The following TMEM74 variants were observed in gnomAD, a reference collection of about 807,000 sequenced individuals.
TMEM74 encodes the protein transmembrane protein 74.
Under a neutral mutation model 18.1 loss-of-function variants are expected in TMEM74, and 13 were observed. The observed-to-expected ratio is 0.72, with a 90% CI of 0.47 to 1.14. The LOEUF (loss-of-function observed/expected upper bound fraction) is 1.14. Ranked by LOEUF, TMEM74 falls within the 50% of genes most tolerant of loss-of-function variation. The probability of loss-of-function intolerance (pLI) is 0.00; values close to 1 mark genes in which losing one functional copy is unlikely to be tolerated. For synonymous variants in TMEM74, 159 were observed against 146.6 expected (o/e 1.08, Z -0.61); for missense variants, 372 against 375.9 (o/e 0.99, Z 0.09).
intron 2 of TMEM74, among the ~76,000 whole-genome samples, chr8:108,616,268 G>A (rs1586234712): frequency 6.6e-6 from 1 of 152,148 alleles, no homozygotes; most frequent in South Asian, 2.1e-4. Context: ...ATTCCACACA[G>A]GTACTTCCTA....
At chr8:108,722,906 T>C (rs1813599596) in intron 1 of TMEM74, among the ~76,000 whole-genome samples, 3 of 152,234 alleles carry the variant, frequency 2.0e-5, no homozygotes, top group Admixed American at 2.0e-4. Context: ...TGGCTGCATA[T>C]GCTAGCTGTG....
intron 2 of TMEM74, chr8:108,653,045 C>T (rs570920096): frequency 4.0e-5 from 7 of 175,394 alleles, no homozygotes; most frequent in East Asian, 3.5e-4. Context: ...TTGATGTAAA[C>T]GAAGTTTGTA....
At chr8:108,608,237 G>A (rs1456476106) in intron 3 of TMEM74, among the ~76,000 whole-genome samples, 1 of 150,346 alleles carries the variant, frequency 6.7e-6, no homozygotes, top group Non-Finnish European at 1.5e-5. Context: ...GGGAGACGGA[G>A]GCAGCAGTGA....
At chr8:108,690,564 C>T (rs1005246311) in intron 1 of TMEM74, among the ~76,000 whole-genome samples, 15 of 151,810 alleles carry the variant, frequency 9.9e-5, no homozygotes, top group African/African-American at 3.4e-4. Context: ...GCCTGTAATC[C>T]CAGCACTTTG....
chr8:108,689,693 C>T (rs1359074177), intron 1 of TMEM74, among the ~76,000 whole-genome samples: 3 of 152,120 alleles, frequency 2.0e-5, no homozygotes, highest in Non-Finnish European at 2.9e-5. Context: ...AATCAATGTC[C>T]ATTTGTGCGA....
chr8:108,675,724 G>A (rs922272461), intron 1 of TMEM74, among the ~76,000 whole-genome samples: 1 of 152,188 alleles, frequency 6.6e-6, no homozygotes, highest in African/African-American at 2.4e-5. Context: ...GAAACTCAGA[G>A]GATGTGACAC....
At chr8:108,681,245 C>T (rs534664805) in intron 1 of TMEM74, among the ~76,000 whole-genome samples, 2 of 152,276 alleles carry the variant, frequency 1.3e-5, no homozygotes, top group East Asian at 3.9e-4. Context: ...CCGGAGGCAT[C>T]ACGCTACCTG....
intron 1 of TMEM74, among the ~76,000 whole-genome samples, chr8:108,686,974 GTACTT>G (rs1489023630): frequency 6.6e-6 from 1 of 152,030 alleles, no homozygotes; most frequent in East Asian, 1.9e-4. Context: ...GTTTAAAATT[GTACTT>G]TAATTTAATT....
chr8:108,753,604 G>GTACTTACTAAAGCTT (rs1309258089), intron 1 of TMEM74, among the ~76,000 whole-genome samples: 1 of 151,990 alleles, frequency 6.6e-6, no homozygotes, highest in Non-Finnish European at 1.5e-5. Flanking sequence ...GACACCAATT[G>GTACTTACTAAAGCTT]TACTTACTAA....
chr8:108,694,759 T>A (rs1159004243), intron 1 of TMEM74, among the ~76,000 whole-genome samples: 1 of 152,240 alleles, frequency 6.6e-6, no homozygotes, highest in Non-Finnish European at 1.5e-5. Flanking sequence ...GATTTGACCG[T>A]ACACAACTAT....
intron 1 of TMEM74, among the ~76,000 whole-genome samples, chr8:108,683,340 T>A (rs953296545): frequency 6.6e-6 from 1 of 151,722 alleles, no homozygotes; most frequent in East Asian, 1.9e-4. Flanking sequence ...AAGAGGAAAC[T>A]ATAGTTCAGT....
At chr8:108,685,851 AAG>A (rs1813162288) in intron 1 of TMEM74, among the ~76,000 whole-genome samples, 1 of 152,178 alleles carries the variant, frequency 6.6e-6, no homozygotes, top group Admixed American at 6.5e-5. Flanking sequence ...GAAAAAATGA[AAG>A]AGAAAATAAT....
intron 1 of TMEM74, among the ~76,000 whole-genome samples, chr8:108,659,548 T>G (rs1812879719): frequency 6.6e-6 from 1 of 152,140 alleles, no homozygotes. Context: ...TTGCTTCAAT[T>G]TAGTCTCGAA....
At chr8:108,751,539 GT>G (rs1307667338) in intron 1 of TMEM74, among the ~76,000 whole-genome samples, 2 of 152,006 alleles carry the variant, frequency 1.3e-5, no homozygotes, top group East Asian at 3.9e-4. Context: ...ATGGACATTG[GT>G]TACAAATTTA....
chr8:108,785,777 T>C (rs1328844313), intron 1 of TMEM74, among the ~76,000 whole-genome samples: 1 of 152,128 alleles, frequency 6.6e-6, no homozygotes, highest in Non-Finnish European at 1.5e-5. Context: ...ACCTCATACA[T>C]CCAATGACCC....
intron 1 of TMEM74, among the ~76,000 whole-genome samples, chr8:108,657,879 T>A (rs201334348): frequency 0.078 from 6,465 of 82,500 alleles, 785 homozygotes; most frequent in Non-Finnish European, 0.097. Context: ...TATATATATA[T>A]ATATATATAT....
intron 1 of TMEM74, among the ~76,000 whole-genome samples, chr8:108,689,393 T>C (rs1020703340): frequency 6.6e-6 from 1 of 152,206 alleles, no homozygotes; most frequent in Non-Finnish European, 1.5e-5. Context: ...CCACAGTTTT[T>C]CTGCCCCACA....
intron 1 of TMEM74, among the ~76,000 whole-genome samples, chr8:108,729,419 T>C (rs1432708239): frequency 6.6e-6 from 1 of 152,226 alleles, no homozygotes; most frequent in East Asian, 1.9e-4. Flanking sequence ...TTTCCCAGTG[T>C]ATAAGAGATA....
At chr8:108,719,290 TAC>T (rs547103603) in intron 1 of TMEM74, among the ~76,000 whole-genome samples, 113 of 152,234 alleles carry the variant, frequency 7.4e-4, no homozygotes, top group African/African-American at 2.5e-3. Context: ...CATGATTAAC[TAC>T]CTATTTTGTT....
Sources: allele counts gnomAD v4.1 joint callset (sites outside exome capture counted in the v4.1 genomes callset), GRCh38; gene constraint gnomAD v4.1.1; transcripts MANE v1.5; gene names NCBI Gene and HGNC (gene_info 2026-07-23, HGNC 2026-07-21).